PPFIBP1: variants seen among roughly 807,000 people sequenced by gnomAD.
PPFIBP1 encodes PPFIB scaffold protein 1.
PPFIBP1 carries 112 observed loss-of-function variants against 137.8 expected under a neutral mutation model. The observed-to-expected ratio is 0.81, with a 90% CI of 0.70 to 0.95. The LOEUF (loss-of-function observed/expected upper bound fraction) is 0.95. Among genes scored for constraint, PPFIBP1 ranks in the 40% least tolerant of loss-of-function variants. The pLI, the probability that PPFIBP1 is intolerant of heterozygous loss-of-function variation, is 0.00. For synonymous variants in PPFIBP1, 378 were observed against 417.3 expected, an observed-to-expected ratio of 0.91 and a Z score of 1.15; for missense variants, 1,083 against 1,196.6, an observed-to-expected ratio of 0.91 and a Z score of 1.40.
Position 27,642,085 on chromosome 12 carries a change from G to A in PPFIBP1, c.271-3977G>A, listed in dbSNP as rs148981318. Among the ~76,000 whole-genome samples, 619 of 152,310 alleles carry A rather than the reference G, an allele frequency of 4.1e-3. 3 individuals carry two copies. The highest frequency in any genetic ancestry group is 0.014 in the African/African-American group (598 of 41,570). On this transcript the variant is annotated intron_variant, in intron 4 of 29. Transcript: ENST00000228425. ...TCAGGGAATTCGTTTTCCGGGTGAG[G>A]TTCCTGGCTAGCTCTAAGATTCTGT...
chr12:27,540,004 A>G (rs545065880), intron 1 of PPFIBP1, among the ~76,000 whole-genome samples: 29 of 152,074 alleles, frequency 1.9e-4, no homozygotes, highest in Non-Finnish European at 3.2e-4. Flanking sequence ...AAAACATTCC[A>G]TCTGTGGGTG....
At chr12:27,527,531 T>C (rs1943911900) in intron 1 of PPFIBP1, among the ~76,000 whole-genome samples, 2 of 152,148 alleles carry the variant, frequency 1.3e-5, no homozygotes, top group Non-Finnish European at 2.9e-5. Context: ...GAGTGAGCCC[T>C]GGGTGCCCAG....
At chr12:27,581,233 T>A (rs754048550) in intron 2 of PPFIBP1, among the ~76,000 whole-genome samples, 10 of 152,198 alleles carry the variant, frequency 6.6e-5, no homozygotes, top group Non-Finnish European at 1.5e-4. Flanking sequence ...GTGGCACGTA[T>A]ATGAAATTTC....
intron 2 of PPFIBP1, among the ~76,000 whole-genome samples, chr12:27,606,372 CG>C (rs2054525503): frequency 4.6e-5 from 7 of 152,012 alleles, no homozygotes; most frequent in Admixed American, 1.3e-4. Flanking sequence ...AGAAGGTTGT[CG>C]GGGAGTAAGT....
In PPFIBP1 at chr12:27,692,974, T is replaced by C. The variant is rs1443831055; in HGVS notation, c.*92T>C. On this transcript the variant is annotated 3_prime_UTR_variant, in exon 30 of 30. Transcript: ENST00000228425. ...AGTATATACAACAGGCAGCGGATTG[T>C]CTATTGTTTGTTGTTCCAACTTCTG... 1 of 1,522,864 alleles carries C rather than the reference T, an allele frequency of 6.6e-7. No individual in the cohort carries two copies. Among genetic ancestry groups the C allele is most frequent in the East Asian group, 2.4e-5 (1 of 42,432 alleles). The allele number at this position is 1,522,864 out of a possible 1,614,324, so 94.3% of individuals were successfully genotyped here.
chr12:27,673,901 C>G (rs2060349398), intron 16 of PPFIBP1, 74 bp downstream of exon 16: 1 of 1,309,764 alleles, frequency 7.6e-7, no homozygotes, highest in Non-Finnish European at 1.1e-6. Context: ...TCATCTTTTC[C>G]CTTTTTGCAA....
At chr12:27,654,575 A>G (rs1565948385) in intron 7 of PPFIBP1, 147 bp from the exon 8 acceptor site, 2 of 992,300 alleles carry the variant, frequency 2.0e-6, no homozygotes, top group African/African-American at 1.7e-5. Flanking sequence ...TTAAGGAGGT[A>G]CATTTATTTC....
chr12:27,636,703 T>G (rs1214040987), intron 4 of PPFIBP1: 1 of 152,164 alleles, frequency 6.6e-6, no homozygotes, highest in African/African-American at 2.4e-5. Flanking sequence ...ACTCACTCCT[T>G]TTTTCAGAAA....
At chr12:27,625,767 A>T (rs1225319767) in intron 2 of PPFIBP1, among the ~76,000 whole-genome samples, 3 of 151,978 alleles carry the variant, frequency 2.0e-5, no homozygotes, top group Non-Finnish European at 4.4e-5. Context: ...TATTTTTAGT[A>T]GAGATAGAGT....
chr12:27,671,954 C>G (rs1305111705), intron 14 of PPFIBP1, among the ~76,000 whole-genome samples: 1 of 152,132 alleles, frequency 6.6e-6, no homozygotes, highest in Non-Finnish European at 1.5e-5. Context: ...CGCCTGTAAT[C>G]CCAGCTACTC....
rs1365280416 is a variant in PPFIBP1 at position 27,671,540 on chromosome 12, A to G, written c.1256A>G (p.Glu419Gly). ...ACTCCTAAGCCAGAGACTTCATTTG[A>G]AGAAAAGTATGTCATTTATTAACAG... ...KLTPKPETSF[E>G]ENDGNIILGA... The change falls in exon 14 of 30, where the codon GAA (glutamate) becomes GGA (glycine). Residue 419 changes from glutamate to glycine, a missense_variant. Transcript: ENST00000228425. 1 of 1,556,690 alleles carries G rather than the reference A, an allele frequency of 6.4e-7. No individual in the cohort carries two copies.
chr12:27,658,854 G>C lies in PPFIBP1; in HGVS notation c.844+6G>C, dbSNP rs755219478. The C allele has an allele frequency of 2.5e-6, 4 of 1,612,168 alleles. No homozygotes were observed. In the South Asian group the frequency reaches 4.4e-5, roughly 18 times the overall value. ...AAAGAAGCTCAAAGAAAAAAGTAAG[G>C]TTTGGTGCATTTCCATCAGCCTTTA... On this transcript the variant is annotated splice_donor_region_variant and intron_variant, in intron 10 of 29. Coordinates refer to ENST00000228425, the MANE Select transcript of PPFIBP1 (RefSeq NM_003622.4).
chr12:27,589,700 T>C (rs879543044), intron 2 of PPFIBP1, among the ~76,000 whole-genome samples: 3 of 152,226 alleles, frequency 2.0e-5, no homozygotes, highest in Non-Finnish European at 2.9e-5. Context: ...TCTTATTCAG[T>C]GTAGACAGTC....
In PPFIBP1 at chr12:27,679,537, C is replaced by T; in HGVS notation, c.1664C>T (p.Ser555Phe). The change falls in exon 20 of 30, where the codon TCT becomes TTT. Residue 555 changes from serine to phenylalanine, a missense_variant. Physicochemically the swap from Ser to Phe is radical, Grantham distance 155 (BLOSUM62 -2). Coordinates refer to ENST00000228425, the MANE Select transcript of PPFIBP1 (RefSeq NM_003622.4). ...TAEHLDLAGA[S>F]SRPKDSQRNS... is the part of the protein sequence containing the mutation. ...GAGCACCTAGATCTGGCTGGTGCTT[C>T]TTCTCGGCCAAAAGATTCACAGAGG... is the stretch of plus-strand genomic sequence containing the variant. 2 of 1,614,010 alleles carry T rather than the reference C, an allele frequency of 1.2e-6. No individual in the cohort carries two copies. The highest frequency in any genetic ancestry group is 1.7e-6 in the Non-Finnish European group (2 of 1,179,852).
chr12:27,579,411 T>C lies in PPFIBP1; in HGVS notation c.-36+1172T>C, dbSNP rs575289205. ...CCTCTTCAATCAGCACCTTGATGAGTAGAAAATTACCAGCACCTCAGAGCC... is the reference window on the plus strand; with the variant it reads ...CCTCTTCAATCAGCACCTTGATGAGCAGAAAATTACCAGCACCTCAGAGCC... On this transcript the variant is annotated intron_variant, in intron 2 of 29. Transcript: ENST00000228425. Among the ~76,000 whole-genome samples, 11 of 152,310 alleles carry C rather than the reference T, an allele frequency of 7.2e-5. No individual in the cohort carries two copies. The South Asian group carries it at 1.7e-3, about 23-fold the overall frequency.
intron 1 of PPFIBP1, among the ~76,000 whole-genome samples, chr12:27,546,856 A>C (rs73292012): frequency 0.15 from 22,385 of 152,062 alleles, 1,919 homozygotes; most frequent in Middle Eastern, 0.25. Context: ...TCTACAAAAA[A>C]TGCAAAAAAC....
chr12:27,545,712 G>T (rs1213465690), intron 1 of PPFIBP1, among the ~76,000 whole-genome samples: 1 of 152,182 alleles, frequency 6.6e-6, no homozygotes, highest in Non-Finnish European at 1.5e-5. Context: ...TGCCAACTTG[G>T]CAAGAGTAAA....
intron 4 of PPFIBP1, among the ~76,000 whole-genome samples, chr12:27,640,003 T>G (rs758539421): frequency 3.3e-5 from 5 of 152,166 alleles, no homozygotes; most frequent in African/African-American, 4.8e-5. Flanking sequence ...GCAAACAAGG[T>G]ACATCTTAAG....
At chr12:27,665,881 G>A (rs2059826426) in intron 12 of PPFIBP1, among the ~76,000 whole-genome samples, 1 of 152,168 alleles carries the variant, frequency 6.6e-6, no homozygotes, top group South Asian at 2.1e-4. Context: ...CTAATAATCA[G>A]TGTTGACTAG....
Sources: allele counts gnomAD v4.1 joint callset (sites outside exome capture counted in the v4.1 genomes callset), GRCh38; gene constraint gnomAD v4.1.1; transcripts MANE v1.5; gene names NCBI Gene and HGNC (gene_info 2026-07-23, HGNC 2026-07-21).